Variants in SLC24A2 observed in about 807,000 individuals in gnomAD.
SLC24A2 encodes the protein solute carrier family 24 member 2, also known as sodium/potassium/calcium exchanger 2.
SLC24A2 carries 36 observed loss-of-function variants against 62.0 expected under a neutral mutation model. That is an observed-to-expected ratio of 0.58 (90% confidence interval 0.44 to 0.77). The LOEUF is 0.77. Ranked by LOEUF, SLC24A2 falls within the 30% of genes least tolerant of loss-of-function variation. SLC24A2 has a pLI of 0.00. For synonymous variants in SLC24A2, 358 were observed against 294.0 expected (o/e 1.22, Z -2.23); for missense variants, 846 against 817.9 (o/e 1.03, Z -0.42).
chr9:19,619,014 G>A (rs1244973728), intron 4 of SLC24A2, among the ~76,000 whole-genome samples: 3 of 152,156 alleles, frequency 2.0e-5, no homozygotes, highest in Non-Finnish European at 4.4e-5. Context: ...AAGTGAGCCA[G>A]GCTTTTTGGG....
intron 8 of SLC24A2, among the ~76,000 whole-genome samples, chr9:19,532,878 T>C (rs757611021): frequency 1.3e-5 from 2 of 152,236 alleles, no homozygotes; most frequent in Non-Finnish European, 2.9e-5. Context: ...ATTAGATGCA[T>C]TCTTGTTTTG....
At chr9:19,548,063 G>A (rs780101163) in intron 8 of SLC24A2, among the ~76,000 whole-genome samples, 1 of 151,630 alleles carries the variant, frequency 6.6e-6, no homozygotes, top group African/African-American at 2.4e-5. Context: ...AACCTATACT[G>A]CTGGGAGTCC....
chr9:19,948,072 A>C, the SLC24A2 span, among the ~76,000 whole-genome samples: 9 of 152,242 alleles, frequency 5.9e-5, no homozygotes, highest in African/African-American at 2.2e-4. Flanking sequence ...CCAGCTGTCA[A>C]GATAAAATTC....
chr9:20,231,151 T>C, the SLC24A2 span, among the ~76,000 whole-genome samples: 1 of 152,196 alleles, frequency 6.6e-6, no homozygotes, highest in Non-Finnish European at 1.5e-5. Flanking sequence ...GTAGTATACT[T>C]TGAAGTCAGG....
the SLC24A2 span, among the ~76,000 whole-genome samples, chr9:19,860,339 T>G: frequency 6.6e-6 from 1 of 152,122 alleles, no homozygotes; most frequent in Non-Finnish European, 1.5e-5. Context: ...AGACACACCC[T>G]AGACCAGAAG....
At chr9:19,556,155 G>T (rs751545546) in intron 7 of SLC24A2, among the ~76,000 whole-genome samples, 1 of 152,162 alleles carries the variant, frequency 6.6e-6, no homozygotes, top group Non-Finnish European at 1.5e-5. Flanking sequence ...TTTTTATCTG[G>T]TAAATGGGAG....
At chr9:20,038,633 A>C in the SLC24A2 span, among the ~76,000 whole-genome samples, 1 of 103,056 alleles carries the variant, frequency 9.7e-6, no homozygotes, top group African/African-American at 4.5e-5. Flanking sequence ...AGAAACAAAC[A>C]AAAAAAAAAA....
chr9:19,579,739 G>C (rs558529298), intron 5 of SLC24A2, among the ~76,000 whole-genome samples: 2 of 152,154 alleles, frequency 1.3e-5, no homozygotes, highest in Non-Finnish European at 2.9e-5. Context: ...TCATGACACA[G>C]AAAATATTGG....
At chr9:19,700,390 T>C (rs1050055712) in intron 2 of SLC24A2, among the ~76,000 whole-genome samples, 1 of 152,214 alleles carries the variant, frequency 6.6e-6, no homozygotes, top group African/African-American at 2.4e-5. Context: ...AAAAATGCTC[T>C]GGCATCAGCA....
chr9:20,054,710 G>T, the SLC24A2 span, among the ~76,000 whole-genome samples: 6 of 152,186 alleles, frequency 3.9e-5, no homozygotes, highest in Non-Finnish European at 5.9e-5. Flanking sequence ...ATAGGGTAAA[G>T]CTGTGTGAAT....
the SLC24A2 span, among the ~76,000 whole-genome samples, chr9:20,192,074 T>C: frequency 4.6e-5 from 7 of 152,142 alleles, no homozygotes; most frequent in Non-Finnish European, 8.8e-5. Context: ...AATATCCTAA[T>C]TTTAGAAGAT....
chr9:19,981,228 C>A, the SLC24A2 span, among the ~76,000 whole-genome samples: 2 of 152,132 alleles, frequency 1.3e-5, no homozygotes, highest in Non-Finnish European at 2.9e-5. Context: ...AGCTCACTGG[C>A]CCTGATTACA....
the SLC24A2 span, among the ~76,000 whole-genome samples, chr9:20,293,012 A>G: frequency 1.7e-4 from 26 of 152,290 alleles, no homozygotes; most frequent in African/African-American, 5.8e-4. Context: ...GTTTGCTGGC[A>G]ATCTTTGGCG....
the SLC24A2 span, among the ~76,000 whole-genome samples, chr9:20,268,804 A>G: frequency 1.3e-5 from 2 of 152,128 alleles, no homozygotes; most frequent in Non-Finnish European, 2.9e-5. Flanking sequence ...ATATCTTCCC[A>G]TTTGTCCCAG....
At chr9:19,962,333 A>C in the SLC24A2 span, among the ~76,000 whole-genome samples, 6 of 151,790 alleles carry the variant, frequency 4.0e-5, no homozygotes, top group Admixed American at 1.3e-4. Context: ...CTTAGGATTG[A>C]CTTGGCGATG....
the SLC24A2 span, among the ~76,000 whole-genome samples, chr9:20,118,405 A>G: frequency 6.6e-6 from 1 of 152,080 alleles, no homozygotes; most frequent in Non-Finnish European, 1.5e-5. Context: ...AACATTATGA[A>G]AGACGAATAA....
the SLC24A2 span, among the ~76,000 whole-genome samples, chr9:19,830,016 G>C: frequency 6.6e-6 from 1 of 151,692 alleles, no homozygotes; most frequent in Admixed American, 6.6e-5. Context: ...AACAATATCA[G>C]CCTACTTGGC....
intron 7 of SLC24A2, among the ~76,000 whole-genome samples, chr9:19,565,115 C>A (rs961532693): frequency 6.6e-5 from 10 of 151,868 alleles, no homozygotes; most frequent in Admixed American, 3.3e-4. Flanking sequence ...CTGGCCAGGG[C>A]AATCACGCAG....
At chr9:20,275,793 A>G in the SLC24A2 span, among the ~76,000 whole-genome samples, 1 of 152,208 alleles carries the variant, frequency 6.6e-6, no homozygotes, top group Non-Finnish European at 1.5e-5. Flanking sequence ...GGGAGGCCTC[A>G]CAATCATGGT....
Sources: gnomAD v4.1 joint callset for allele counts (sites outside exome capture counted in the v4.1 genomes callset) on GRCh38, gnomAD v4.1.1 for gene constraint, MANE v1.5 for transcripts, NCBI Gene and HGNC (gene_info 2026-07-23, HGNC 2026-07-21) for gene names.